Variants in PLD2 observed in about 807,000 individuals in gnomAD.
The protein encoded by PLD2 is choline phosphatase 2.
A neutral mutation model predicts 119.8 loss-of-function variants in PLD2; 101 were observed. That is an observed-to-expected ratio of 0.84 (90% CI 0.72 to 0.99). PLD2 has a LOEUF of 0.99. Ranked by LOEUF, PLD2 falls within the 50% of genes least tolerant of loss-of-function variation. PLD2 has a pLI of 0.00. For synonymous variants in PLD2, 494 were observed against 482.8 expected (o/e 1.02, Z -0.30); for missense variants, 1,164 against 1,226.8 (o/e 0.95, Z 0.76).
rs554088846 is a variant in PLD2 at position 4,819,825 on chromosome 17, C to G, written c.2462+243C>G. 1.3e-5 allele frequency among the ~76,000 whole-genome samples: 2 copies of G among 152,204 alleles called. No individual in the cohort carries two copies. Among genetic ancestry groups the G allele is most frequent in the South Asian group, 4.1e-4 (2 of 4,828 alleles). On this transcript the variant is annotated intron_variant, in intron 23 of 24. Coordinates refer to ENST00000263088, the MANE Select transcript of PLD2 (RefSeq NM_002663.5). The surrounding 1 kb of genome is among the most constrained non-coding windows in gnomAD (Gnocchi z 4.2). The stretch of plus-strand genomic sequence containing the variant: ...CCAGCCTGGCTAACATAGTGAAACC[C>G]GTCTCTACTAAAAATACAAAAAATC...
Position 4,807,620 on chromosome 17 carries a change from G to C in PLD2, c.-1-152G>C, listed in dbSNP as rs924259919. 16 of 573,982 alleles carry C rather than the reference G, an allele frequency of 2.8e-5. No individual in the cohort carries two copies. The African/African-American group carries it at 3.0e-4, about 11-fold the overall frequency. 35.6% of individuals were successfully genotyped at this position (573,982 alleles called of 1,614,324 possible). On this transcript the variant is annotated intron_variant, in intron 1 of 24. Coordinates refer to ENST00000263088, the MANE Select transcript of PLD2 (RefSeq NM_002663.5). This position sits in a 1 kb window ranked among gnomAD's most constrained non-coding sequence, Gnocchi z 5.4. ...ATGGGGGCTCGAAGGGGTCGGTGGG[G>C]CGTTGCAAACTGGTCAGGCGTCATC...
At chr17:4,816,818 T>A (rs1300618985) in intron 15 of PLD2, 72 bp downstream of exon 15, 16 of 1,609,376 alleles carry the variant, frequency 9.9e-6, no homozygotes, top group Non-Finnish European at 1.3e-5. Flanking sequence ...GTACTGAGAG[T>A]GGGATGAGAG....
rs377078813 is a variant in PLD2 at position 4,819,565 on chromosome 17, G to A, written c.2445G>A (p.Leu815=). 11 of 1,612,224 alleles carry A rather than the reference G, an allele frequency of 6.8e-6. No homozygotes were observed. Among genetic ancestry groups the A allele is most frequent in the Non-Finnish European group, 9.3e-6 (11 of 1,178,866 alleles). ...AGGCGGGCAGGTTTGCCTTGAGTCT[G>A]CGGAAGCACTGCTTCGGGTAGAGCT... ...EYQAGRFALS[L]RKHCFGVILG... is the part of the protein sequence containing the mutation. The change falls in exon 23 of 25, where the codon CTG becomes CTA. Residue 815 remains leucine, a synonymous_variant. Transcript: ENST00000263088. The surrounding 1 kb of genome is among the most constrained non-coding windows in gnomAD (Gnocchi z 4.2).
intron 15 of PLD2, 78 bp downstream of exon 15, chr17:4,816,824 G>A: frequency 1.2e-6 from 2 of 1,606,336 alleles, no homozygotes; most frequent in Non-Finnish European, 1.7e-6. Context: ...AGAGTGGGAT[G>A]AGAGGGGTCA....
rs751008232 is a variant in PLD2, at chr17:4,822,860, C to T, written c.2798C>T (p.Thr933Ile). Residue 933 changes from threonine (T) to isoleucine (I), a missense_variant, in exon 25 of 25, where the codon ACA (threonine) becomes ATA (isoleucine). By Grantham distance (89) the Thr-to-Ile change is moderately conservative. Transcript: ENST00000263088. ...KEGMIPLEVW[T>I] is the part of the protein sequence containing the mutation. ...GGCATGATCCCCCTAGAAGTGTGGA[C>T]ATAGTTGAGGCCCCCGTCAGGGAGA... The T allele has an allele frequency of 6.4e-7, 1 of 1,574,026 alleles. No individual in the cohort carries two copies. Among genetic ancestry groups the T allele is most frequent in the Admixed American group, 1.7e-5 (1 of 59,550 alleles).
intron 10 of PLD2, among the ~76,000 whole-genome samples, chr17:4,812,152 T>C (rs1035111159): frequency 5.3e-5 from 8 of 151,480 alleles, no homozygotes; most frequent in Admixed American, 4.0e-4. Context: ...GTTTCGCTCT[T>C]GTTGCCCAGG....
rs1052748 is a variant in PLD2 at position 4,817,174 on chromosome 17, C to T, written c.1730C>T (p.Thr577Ile). ...KTTKAKYKTP[T>I]YPYLLPKSTS... ...ACCAAGGCCAAGTACAAGACTCCCACATACCCCTACCTGCTTCCCAAGTCT... is the reference window on the plus strand; with the variant it reads ...ACCAAGGCCAAGTACAAGACTCCCATATACCCCTACCTGCTTCCCAAGTCT... The change falls in exon 17 of 25, where the codon ACA becomes ATA. Residue 577 changes from threonine (T) to isoleucine (I), a missense_variant. Thr to Ile is a moderately conservative substitution (Grantham distance 89). Coordinates refer to ENST00000263088, the MANE Select transcript of PLD2 (RefSeq NM_002663.5). 0.44 allele frequency: 709,358 copies of T among 1,611,076 alleles called. 165,709 individuals are homozygous for T. Among genetic ancestry groups the T allele is most frequent in the Non-Finnish European group, 0.49 (575,270 of 1,177,310 alleles).
chr17:4,815,675 C>T (rs1906895411), intron 13 of PLD2, 89 bp downstream of exon 13: 10 of 1,591,474 alleles, frequency 6.3e-6, no homozygotes, highest in Non-Finnish European at 8.6e-6. Context: ...CTGATGGTCT[C>T]ATCTTTCCAT....
At chr17:4,811,048 T>A in intron 10 of PLD2, 97 bp downstream of exon 10, 1 of 1,244,416 alleles carries the variant, frequency 8.0e-7, no homozygotes, top group Non-Finnish European at 1.1e-6. Context: ...ATCTGAACCC[T>A]CCTGACCTCA....
chr17:4,809,233 A>G, intron 5 of PLD2, 28 bp downstream of exon 5: 1 of 1,611,312 alleles, frequency 6.2e-7, no homozygotes, highest in Non-Finnish European at 8.5e-7. Context: ...GTCCTCCGGG[A>G]AGGCATTGGA....
chr17:4,817,296 C>G, intron 17 of PLD2, 37 bp downstream of exon 17: 1 of 1,311,024 alleles, frequency 7.6e-7, no homozygotes, highest in Non-Finnish European at 1.1e-6. Context: ...TCCCCTTTGT[C>G]TCCTTCAGCC....
chr17:4,819,328 C>A lies in PLD2; in HGVS notation c.2309-101C>A. ...TGAGGCTCGTGTAGGGGTGGAGGGT[C>A]CAAGAAGGAATGTTGCAGGCCAGTG... On this transcript the variant is annotated intron_variant, in intron 22 of 24. Coordinates refer to ENST00000263088, the MANE Select transcript of PLD2 (RefSeq NM_002663.5). This position sits in a 1 kb window ranked among gnomAD's most constrained non-coding sequence, Gnocchi z 4.2. 1 of 1,596,174 alleles carries A rather than the reference C, an allele frequency of 6.3e-7. No homozygotes were observed. Among genetic ancestry groups the A allele is most frequent in the Non-Finnish European group, 8.6e-7 (1 of 1,169,210 alleles).
rs746872085 is a variant in PLD2 at position 4,810,832 on chromosome 17, G to C, written c.891G>C (p.Arg297=). The change falls in exon 10 of 25, where the codon CGG becomes CGC. Residue 297 remains arginine (R), a synonymous_variant. Transcript: ENST00000263088. ...TGATTCTCAAGTGCAGCAGCTACCGGCAGGCACGGTGGTGGGCCCAAGAGA... is the reference window on the plus strand; with the variant it reads ...TGATTCTCAAGTGCAGCAGCTACCGCCAGGCACGGTGGTGGGCCCAAGAGA... The part of the protein sequence containing the change: ...RSLILKCSSY[R]QARWWAQEIT... The C allele has an allele frequency of 1.9e-6, 3 of 1,613,082 alleles. No homozygotes were observed. Among genetic ancestry groups the C allele is most frequent in the Non-Finnish European group, 2.5e-6 (3 of 1,179,524 alleles).
chr17:4,818,563 G>A lies in PLD2; in HGVS notation c.2079G>A (p.Thr693=), dbSNP rs202197712. 3.6e-5 allele frequency: 58 copies of A among 1,613,938 alleles called. No individual in the cohort carries two copies. The African/African-American group carries it at 4.3e-4, about 12-fold the overall frequency. ...CTGGCTTCGAGGGTGACATCTCCACGGGCGGTGGCAACTCCATCCAGGCCA... is the reference window on the plus strand; with the variant it reads ...CTGGCTTCGAGGGTGACATCTCCACAGGCGGTGGCAACTCCATCCAGGCCA... ...LLPGFEGDIS[T]GGGNSIQAIL... The change falls in exon 20 of 25, where the codon ACG becomes ACA. Residue 693 remains threonine, a synonymous_variant. Coordinates refer to ENST00000263088, the MANE Select transcript of PLD2 (RefSeq NM_002663.5).
At chr17:4,816,795 GA>G (rs1190653559) in intron 15 of PLD2, 49 bp downstream of exon 15, 1 of 1,613,826 alleles carries the variant, frequency 6.2e-7, no homozygotes, top group Admixed American at 1.7e-5. Flanking sequence ...AGCAGGGTCA[GA>G]AGCTGGGGCT....
rs749111588 is a variant in PLD2, at chr17:4,807,848, G to A, written c.76G>A (p.Glu26Lys). The change falls in exon 2 of 25, where the codon GAG (glutamate) becomes AAG (lysine). Residue 26 changes from glutamate to lysine, a missense_variant. Coordinates refer to ENST00000263088, the MANE Select transcript of PLD2 (RefSeq NM_002663.5). The surrounding 1 kb of genome is among the most constrained non-coding windows in gnomAD (Gnocchi z 5.4). Reference protein sequence around the residue: ...DSSQLQMESDEVDTLKEGEDP... With the variant: ...DSSQLQMESDKVDTLKEGEDP... ...CAGCCAGCTCCAGATGGAGTCCGAT[G>A]AGGTGGACACCCTGAAGGAGGGAGA... The A allele has an allele frequency of 1.9e-6, 3 of 1,613,304 alleles. No homozygotes were observed. Among genetic ancestry groups the A allele is most frequent in the Admixed American group, 1.7e-5 (1 of 59,980 alleles).
At position 4,809,338 on chromosome 17, in the gene PLD2, CT is replaced by C. The variant is rs747369123; in HGVS notation, c.533del (p.Phe178SerfsTer8). 4 of 1,614,042 alleles carry C rather than the reference CT, an allele frequency of 2.5e-6. No individual in the cohort carries two copies. ...TACCTCAACCGTCTCTTGACCATGT[CT>C]TTCTATCGCAACTACCATGCCATGG... ...ENYLNRLLTM[S>X]FYRNYHAMTE... On this transcript the variant is annotated frameshift_variant, in exon 6 of 25. Coordinates refer to ENST00000263088, the MANE Select transcript of PLD2 (RefSeq NM_002663.5). LOFTEE classifies it high-confidence loss of function.
At chr17:4,822,604 C>A (rs1255651746) in intron 24 of PLD2, 36 bp from the exon 25 acceptor site, 1 of 1,467,500 alleles carries the variant, frequency 6.8e-7, no homozygotes, top group Non-Finnish European at 9.4e-7. Flanking sequence ...GGAGAGTCTC[C>A]CCAAGCCTTA....
In PLD2 at chr17:4,809,566, C is replaced by T. The variant is rs371019527; in HGVS notation, c.614+15C>T. 4.0e-5 allele frequency: 64 copies of T among 1,605,240 alleles called. No homozygotes were observed. In the African/African-American group the frequency reaches 7.0e-4, roughly 17 times the overall value. On this transcript the variant is annotated intron_variant, in intron 7 of 24. Coordinates refer to ENST00000263088, the MANE Select transcript of PLD2 (RefSeq NM_002663.5). Reference sequence around the variant, plus strand: ...CGCAAAGGACTGTGAGTGTCTGGCCCCCTTCACCCAGGCATCCGTAGACAT... The same window carrying T: ...CGCAAAGGACTGTGAGTGTCTGGCCTCCTTCACCCAGGCATCCGTAGACAT...
Sources: gnomAD v4.1 joint callset for allele counts (sites outside exome capture counted in the v4.1 genomes callset) on GRCh38, gnomAD v4.1.1 for gene constraint, Gnocchi (gnomAD v3.1) non-coding constraint, MANE v1.5 for transcripts, NCBI Gene and HGNC (gene_info 2026-07-23, HGNC 2026-07-21) for gene names.